Variants in STOX2 observed in about 807,000 individuals in gnomAD.
STOX2 encodes the protein storkhead-box protein 2.
In STOX2, 28 loss-of-function variants were observed where a neutral mutation model predicts 60.9. That is an observed-to-expected ratio of 0.46 (90% CI 0.34 to 0.63). STOX2 has a LOEUF of 0.63. STOX2 is among the 30% of genes least tolerant of loss of function. The probability of loss-of-function intolerance (pLI) is 0.01; values close to 1 mark genes in which losing one functional copy is unlikely to be tolerated. For synonymous variants in STOX2, 472 were observed against 463.9 expected (o/e 1.02, Z -0.22); for missense variants, 1,024 against 1,187.7 (o/e 0.86, Z 2.03).
chr4:183,886,130 A>C lies in STOX2; in HGVS notation c.364+88075A>C, dbSNP rs71622933. 6.1e-3 allele frequency among the ~76,000 whole-genome samples: 257 copies of C among 42,384 alleles called. 3 individuals are homozygous for C. Among genetic ancestry groups the C allele is most frequent in the South Asian group, 0.01 (10 of 956 alleles). The allele number at this position is 42,384 out of a possible 152,430, so 27.8% of individuals were successfully genotyped here. A position where few individuals can be genotyped will look rare whatever the true frequency, so the allele number is the denominator to read the frequency against. On this transcript the variant is annotated intron_variant, in intron 1 of 2. Transcript: ENST00000513034. ...TGCAAAATCAGGAGGGTGAAGGTTC[A>C]GATGGTTGTTGGATGGTATAGGCAG...
At chr4:183,802,153 G>C (rs1213477563) in intron 1 of STOX2, among the ~76,000 whole-genome samples, 1 of 152,172 alleles carries the variant, frequency 6.6e-6, no homozygotes, top group African/African-American at 2.4e-5. Flanking sequence ...CCCCAAATGG[G>C]AAAGTGGCAC....
rs1381782740 is a variant in STOX2 at position 183,865,880 on chromosome 4, C to T, written c.364+67825C>T. ...GCTTTTTTCTTTTTAACCACTTAGG[C>T]ATTGTGAGTCCATTAAAACAACGTT... On this transcript the variant is annotated intron_variant, in intron 1 of 2. Transcript: ENST00000513034. The surrounding 1 kb of genome is among the most constrained non-coding windows in gnomAD (Gnocchi z 4.1). Among the ~76,000 whole-genome samples the T allele has an allele frequency of 6.6e-6, 1 of 152,076 alleles. No individual in the cohort carries two copies. The highest frequency in any genetic ancestry group is 1.9e-4 in the East Asian group (1 of 5,182).
intron 1 of STOX2, among the ~76,000 whole-genome samples, chr4:183,990,785 A>G (rs4862280): frequency 0.77 from 116,511 of 151,278 alleles, 44,992 homozygotes; most frequent in Middle Eastern, 0.84. Context: ...GCTTGTAAAG[A>G]ACTGTTGCCG....
chr4:184,020,263 CGCTGTTTGGCTTT>C lies in STOX2; in HGVS notation c.*2980_*2992del, dbSNP rs1560951757. On this transcript the variant is annotated 3_prime_UTR_variant, in exon 4 of 4. Coordinates refer to ENST00000308497, the MANE Select transcript of STOX2 (RefSeq NM_020225.3). The stretch of plus-strand genomic sequence containing the variant: ...CCATCGCCATGGCTTTCTCTTACGC[CGCTGTTTGGCTTT>C]CAGATGTAATCCTGTCTTCTCCTCT... 6.6e-6 allele frequency: 1 copy of C among 152,078 alleles called. No individual in the cohort carries two copies. Among genetic ancestry groups the C allele is most frequent in the Admixed American group, 6.5e-5 (1 of 15,274 alleles). The allele number at this position is 152,078 out of a possible 1,614,324, so 9.4% of individuals were successfully genotyped here.
chr4:183,956,252 C>T (rs1743243355), intron 1 of STOX2, among the ~76,000 whole-genome samples: 2 of 152,188 alleles, frequency 1.3e-5, no homozygotes, highest in South Asian at 4.1e-4. Context: ...TCTTTCCTCC[C>T]ACCAGCTTTT....
rs149194538 is a variant in STOX2 at position 183,819,710 on chromosome 4, C to T, written c.364+21655C>T. 1.5e-3 allele frequency among the ~76,000 whole-genome samples: 230 copies of T among 152,122 alleles called. 3 individuals carry two copies. The highest frequency in any genetic ancestry group is 5.0e-3 in the African/African-American group (207 of 41,490). ...TACTTCAGGTGAAATGAAAGGAGGG[C>T]GTGAGATATTTTATGTTCGTCAAAA... On this transcript the variant is annotated intron_variant, in intron 1 of 2. Coordinates refer to the STOX2 transcript ENST00000513034.
chr4:183,951,900 C>T (rs1250663696), intron 1 of STOX2, among the ~76,000 whole-genome samples: 1 of 152,120 alleles, frequency 6.6e-6, no homozygotes, highest in Non-Finnish European at 1.5e-5. Context: ...GCCGAGATAG[C>T]ACCACTGCAC....
intron 1 of STOX2, among the ~76,000 whole-genome samples, chr4:183,927,657 A>G (rs1170788227): frequency 2.0e-5 from 3 of 152,176 alleles, no homozygotes; most frequent in African/African-American, 7.2e-5. Flanking sequence ...CTGAGCTGGA[A>G]GGACCCATTA....
At chr4:183,864,337 GAA>G (rs1386110545) in intron 1 of STOX2, among the ~76,000 whole-genome samples, 5 of 152,110 alleles carry the variant, frequency 3.3e-5, no homozygotes, top group African/African-American at 1.2e-4. Context: ...AAAACTAAAA[GAA>G]GAGTAATCTC....
intron 1 of STOX2, among the ~76,000 whole-genome samples, chr4:183,898,703 A>G (rs1341831558): frequency 6.6e-6 from 1 of 152,172 alleles, no homozygotes; most frequent in African/African-American, 2.4e-5. Flanking sequence ...GCCTGTAGAG[A>G]GTGACAATGA....
intron 1 of STOX2, among the ~76,000 whole-genome samples, chr4:183,875,179 C>T (rs920464120): frequency 2.0e-5 from 3 of 151,392 alleles, no homozygotes; most frequent in Non-Finnish European, 4.4e-5. Context: ...ACCAACAATG[C>T]CCATATTATT....
Position 184,009,153 on chromosome 4 carries a change from T to TAA in STOX2, c.320-5_320-4insAA. 6.8e-7 allele frequency: 1 copy of TAA among 1,478,122 alleles called. No homozygotes were observed. The highest frequency in any genetic ancestry group is 1.4e-5 in the African/African-American group (1 of 70,540). 91.6% of individuals were successfully genotyped at this position (1,478,122 alleles called of 1,614,324 possible). A position where few individuals can be genotyped will look rare whatever the true frequency, so the allele number is the denominator to read the frequency against. On this transcript the variant is annotated splice_region_variant and splice_polypyrimidine_tract_variant and intron_variant, in intron 2 of 3. Transcript: ENST00000308497. The surrounding 1 kb of genome is among the most constrained non-coding windows in gnomAD (Gnocchi z 4.0). ...CACAAGTGGTTTTTTTTTTTTTTTT[T>TAA]TCAGGTGTTCCAACGCCAAGCCAAG... is the stretch of plus-strand genomic sequence containing the variant.
chr4:183,821,246 G>A lies in STOX2; in HGVS notation c.364+23191G>A, dbSNP rs1446710880. Among the ~76,000 whole-genome samples the A allele has an allele frequency of 6.6e-6, 1 of 152,192 alleles. No homozygotes were observed. The highest frequency in any genetic ancestry group is 1.5e-5 in the Non-Finnish European group (1 of 68,032). ...CTCTTGAATTGTACACAGAGGCTTGGTGAGAACCCTCCCTTGGCTGGAGGC... is the reference window on the plus strand; with the variant it reads ...CTCTTGAATTGTACACAGAGGCTTGATGAGAACCCTCCCTTGGCTGGAGGC... On this transcript the variant is annotated intron_variant, in intron 1 of 2. Coordinates refer to the STOX2 transcript ENST00000513034. This position sits in a 1 kb window ranked among gnomAD's most constrained non-coding sequence, Gnocchi z 4.2.
At chr4:183,900,550 A>T (rs1438923343), upstream of STOX2, among the ~76,000 whole-genome samples, 1 of 152,226 alleles carries the variant, frequency 6.6e-6, no homozygotes, top group Non-Finnish European at 1.5e-5. Flanking sequence ...TTAGGTCTTT[A>T]ATGAATGTTC....
In STOX2 at chr4:184,011,332, A is replaced by C. The variant is rs751922349; in HGVS notation, c.2494A>C (p.Ser832Arg). The C allele has an allele frequency of 6.2e-7, 1 of 1,614,024 alleles. No individual in the cohort carries two copies. Among genetic ancestry groups the C allele is most frequent in the Non-Finnish European group, 8.5e-7 (1 of 1,179,898 alleles). ...LTLLAPKETD[S>R]SSNQRATHSA... ...CCTTCTTGCTCCAAAAGAAACCGAC[A>C]GCAGCAGCAACCAGAGAGCCACCCA... is the stretch of plus-strand genomic sequence containing the variant. Residue 832 changes from serine (S) to arginine (R), a missense_variant, in exon 3 of 4, where the codon AGC (serine) becomes CGC (arginine). Around this residue, in one of 3 missense-constraint regions of STOX2, gnomAD observed 922 missense variants for 1,058.3 expected, o/e 0.87. Coordinates refer to ENST00000308497, the MANE Select transcript of STOX2 (RefSeq NM_020225.3). The surrounding 1 kb of genome is among the most constrained non-coding windows in gnomAD (Gnocchi z 4.4).
At position 183,906,712 on chromosome 4, in the gene STOX2, G is replaced by C; in HGVS notation, c.-79G>C. ...CGCAGAGTCCGCCCGGGTCGTGCCC[G>C]CCGTAGACGGATGAAGGAGCGCGCT... is the stretch of plus-strand genomic sequence containing the variant. On this transcript the variant is annotated 5_prime_UTR_variant, in exon 1 of 4. Transcript: ENST00000308497. 1 of 1,390,502 alleles carries C rather than the reference G, an allele frequency of 7.2e-7. No individual in the cohort carries two copies. Among genetic ancestry groups the C allele is most frequent in the South Asian group, 1.5e-5 (1 of 66,376 alleles). The allele number at this position is 1,390,502 out of a possible 1,614,324, so 86.1% of individuals were successfully genotyped here.
At chr4:184,013,796 A>C (rs1172404165) in intron 3 of STOX2, among the ~76,000 whole-genome samples, 1 of 152,108 alleles carries the variant, frequency 6.6e-6, no homozygotes, top group Non-Finnish European at 1.5e-5. Flanking sequence ...AATCGTTTTA[A>C]ATTTTTTTTA....
chr4:183,803,956 ACT>A (rs1206441152), intron 1 of STOX2, among the ~76,000 whole-genome samples: 1 of 152,122 alleles, frequency 6.6e-6, no homozygotes, highest in African/African-American at 2.4e-5. Flanking sequence ...TGACAGTGAG[ACT>A]CTGTCTCAAA....
chr4:183,906,907 T>G lies in STOX2; in HGVS notation c.117T>G (p.Arg39=). The stretch of plus-strand genomic sequence containing the variant: ...AGAAGGACTACCGCCTGCACAAGCG[T>G]TTCCCCGCGGCCTTCGCGCCCCAGG... ...RSEKDYRLHK[R]FPAAFAPQAS... is the part of the protein sequence containing the mutation. Residue 39 remains arginine (R), a synonymous_variant, in exon 1 of 4, where the codon CGT becomes CGG. Coordinates refer to ENST00000308497, the MANE Select transcript of STOX2 (RefSeq NM_020225.3). 1 of 1,549,914 alleles carries G rather than the reference T, an allele frequency of 6.5e-7. No homozygotes were observed. The highest frequency in any genetic ancestry group is 8.7e-7 in the Non-Finnish European group (1 of 1,145,990).
Sources: allele counts gnomAD v4.1 joint callset (sites outside exome capture counted in the v4.1 genomes callset), GRCh38; gene constraint gnomAD v4.1.1; regional missense constraint gnomAD v4.1.1; non-coding constraint Gnocchi (gnomAD v3.1); transcripts MANE v1.5; gene names NCBI Gene and HGNC (gene_info 2026-07-23, HGNC 2026-07-21).